Variants in KLF8 observed in about 807,000 individuals in gnomAD.
KLF8 encodes the protein KLF transcription factor 8.
Under a neutral mutation model 18.2 loss-of-function variants are expected in KLF8, and 10 were observed. The observed-to-expected ratio is 0.55, with a 90% CI of 0.34 to 0.93. The LOEUF is 0.93. Among genes scored for constraint, KLF8 ranks in the 40% least tolerant of loss-of-function variants. The pLI is 0.02. For synonymous variants in KLF8, 109 were observed against 97.3 expected (o/e 1.12, Z -0.71); for missense variants, 264 against 277.9 (o/e 0.95, Z 0.36).
intron 5 of KLF8, among the ~76,000 whole-genome samples, chrX:56,278,744 C>T (rs1207942125): frequency 9.0e-6 from 1 of 111,529 alleles, no homozygotes; most frequent in African/African-American, 3.3e-5. Flanking sequence ...GACTTGAAGT[C>T]CTTGTGGCCT....
At chrX:56,200,647 A>G in the KLF8 span, among the ~76,000 whole-genome samples, 1 of 110,420 alleles carries the variant, frequency 9.1e-6, no homozygotes, top group Non-Finnish European at 1.9e-5. Context: ...GCAGCAAAGG[A>G]AACAATCAAA....
At chrX:56,054,064 C>G in the KLF8 span, among the ~76,000 whole-genome samples, 1 of 110,785 alleles carries the variant, frequency 9.0e-6, no homozygotes, top group African/African-American at 3.3e-5. Context: ...TTTCTTGGTT[C>G]TCTAGTTCTT....
the KLF8 span, among the ~76,000 whole-genome samples, chrX:56,065,876 G>A: frequency 3.6e-5 from 4 of 111,847 alleles, 1 homozygote; most frequent in Non-Finnish European, 7.5e-5. Context: ...CTGTTGTGAT[G>A]TTTGTGTGTG....
At chrX:56,136,458 C>T in the KLF8 span, among the ~76,000 whole-genome samples, 1 of 111,075 alleles carries the variant, frequency 9.0e-6, no homozygotes, top group East Asian at 2.8e-4. Flanking sequence ...CGCATATCTA[C>T]AACTATCTGA....
the KLF8 span, among the ~76,000 whole-genome samples, chrX:56,178,009 T>A: frequency 8.9e-6 from 1 of 111,836 alleles, no homozygotes; most frequent in Non-Finnish European, 1.9e-5. Context: ...CACCCCTTTC[T>A]TTGGCTGGGA....
At chrX:56,083,666 C>T in the KLF8 span, among the ~76,000 whole-genome samples, 1 of 111,745 alleles carries the variant, frequency 8.9e-6, no homozygotes, top group Non-Finnish European at 1.9e-5. Flanking sequence ...CAGTCAGTGG[C>T]CTGTTAGAAA....
At chrX:55,994,691 AG>A in the KLF8 span, among the ~76,000 whole-genome samples, 2 of 111,606 alleles carry the variant, frequency 1.8e-5, no homozygotes, top group Admixed American at 1.9e-4. Flanking sequence ...AAAGTCATTC[AG>A]GGGCATATTG....
the KLF8 span, among the ~76,000 whole-genome samples, chrX:56,221,656 G>A: frequency 7.2e-5 from 8 of 110,790 alleles, no homozygotes; most frequent in Non-Finnish European, 1.3e-4. Flanking sequence ...CTCTTAATGT[G>A]ACACATCTGG....
the KLF8 span, among the ~76,000 whole-genome samples, chrX:56,032,821 G>C: frequency 8.9e-6 from 1 of 111,750 alleles, no homozygotes; most frequent in Middle Eastern, 4.6e-3. Context: ...GGACAGATTT[G>C]TGTTTGTATT....
chrX:55,946,061 C>G, the KLF8 span, among the ~76,000 whole-genome samples: 1 of 111,521 alleles, frequency 9.0e-6, no homozygotes. Flanking sequence ...CCATACTGCC[C>G]AAGGTAATTT....
At chrX:56,047,027 G>C in the KLF8 span, among the ~76,000 whole-genome samples, 1 of 109,346 alleles carries the variant, frequency 9.1e-6, no homozygotes, top group Non-Finnish European at 1.9e-5. Context: ...ATTTAACATA[G>C]TCCGAAACTT....
At chrX:56,171,180 A>C in the KLF8 span, among the ~76,000 whole-genome samples, 1 of 111,991 alleles carries the variant, frequency 8.9e-6, no homozygotes, top group African/African-American at 3.2e-5. Flanking sequence ...AGACTAAACA[A>C]AGAATCCATC....
At chrX:56,049,970 T>A in the KLF8 span, among the ~76,000 whole-genome samples, 1 of 110,958 alleles carries the variant, frequency 9.0e-6, no homozygotes, top group Non-Finnish European at 1.9e-5. Flanking sequence ...ATTCAGAGAT[T>A]CAACTTCTTC....
the KLF8 span, among the ~76,000 whole-genome samples, chrX:55,931,128 G>T: frequency 3.6e-5 from 4 of 111,532 alleles, no homozygotes; most frequent in African/African-American, 1.3e-4. Flanking sequence ...GTGTGTGTGT[G>T]TTTGTGTGTC....
At chrX:56,149,227 G>C in the KLF8 span, among the ~76,000 whole-genome samples, 3 of 111,306 alleles carry the variant, frequency 2.7e-5, no homozygotes, top group Non-Finnish European at 5.6e-5. Context: ...TATCTATGTC[G>C]GATATTTAGA....
At chrX:55,944,926 G>A in the KLF8 span, among the ~76,000 whole-genome samples, 1 of 110,789 alleles carries the variant, frequency 9.0e-6, no homozygotes, top group Admixed American at 9.6e-5. Context: ...TGATGTTAGG[G>A]TGTCAATTTT....
chrX:56,023,468 G>A, the KLF8 span, among the ~76,000 whole-genome samples: 2 of 111,632 alleles, frequency 1.8e-5, no homozygotes, highest in Non-Finnish European at 3.8e-5. Context: ...GAATATCATG[G>A]CCAAAGTGGC....
chrX:56,227,356 CTTTTTTTT>C (rs11343713), upstream of KLF8, among the ~76,000 whole-genome samples: 2 of 96,071 alleles, frequency 2.1e-5, no homozygotes, highest in South Asian at 9.9e-4. Flanking sequence ...AAGTCTTTTT[CTTTTTTTT>C]TTTTTGGACA....
chrX:55,956,129 T>TTATCTATCTATCTATCTATC, the KLF8 span, among the ~76,000 whole-genome samples: 1 of 95,483 alleles, frequency 1.0e-5, no homozygotes, highest in East Asian at 3.1e-4. Flanking sequence ...ATCTATCTAT[T>TTATCTATCTATCTATCTATC]TATCTATCTA....
Sources: allele counts gnomAD v4.1 joint callset (sites outside exome capture counted in the v4.1 genomes callset), GRCh38; gene constraint gnomAD v4.1.1; transcripts MANE v1.5; gene names NCBI Gene and HGNC (gene_info 2026-07-23, HGNC 2026-07-21).